Variants in VAMP7 observed in about 807,000 individuals in gnomAD.
The protein encoded by VAMP7 is vesicle associated membrane protein 7.
A neutral mutation model predicts 29.6 loss-of-function variants in VAMP7; 14 were observed. That is an observed-to-expected ratio of 0.47 (90% CI 0.31 to 0.74). The LOEUF is 0.74. VAMP7 is among the 30% of genes least tolerant of loss of function. VAMP7 has a pLI of 0.05. For missense variants in VAMP7, 223 were observed against 262.4 expected (o/e 0.85, Z 1.04); for synonymous variants, 95 against 88.1 (o/e 1.08, Z -0.44).
rs1602942177 is a variant in VAMP7 at position 155,902,503 on chromosome X, G to C, written c.433+1916G>C. Among the ~76,000 whole-genome samples, 4 of 149,110 alleles carry C rather than the reference G, an allele frequency of 2.7e-5. No individual in the cohort carries two copies. The South Asian group carries it at 8.6e-4, about 32-fold the overall frequency. On this transcript the variant is annotated intron_variant, in intron 5 of 7. Coordinates refer to ENST00000286448, the MANE Select transcript of VAMP7 (RefSeq NM_005638.6). ...CCATTCAGTATGATATTGGCTGTGG[G>C]TTTGTCATAGATAGCTCTTATTATT...
chrX:155,882,039 G>C (rs28655110), intron 1 of VAMP7, among the ~76,000 whole-genome samples: 14,892 of 152,074 alleles, frequency 0.098, 1,459 homozygotes, highest in African/African-American at 0.26. Flanking sequence ...TTACATCTCC[G>C]TCTCCCATAA....
chrX:155,903,750 A>G (rs906576254), intron 5 of VAMP7, among the ~76,000 whole-genome samples: 3 of 152,130 alleles, frequency 2.0e-5, no homozygotes, highest in African/African-American at 7.2e-5. Flanking sequence ...ACTTTTACAC[A>G]GTTGGTCGGA....
chrX:155,900,460 G>A (rs2066046016), intron 4 of VAMP7, 37 bp from the exon 5 acceptor site: 1 of 1,505,714 alleles, frequency 6.6e-7, no homozygotes, highest in Non-Finnish European at 9.1e-7. Flanking sequence ...TGTAAATAAT[G>A]TCTAGGTACC....
chrX:155,919,727 C>A, intron 5 of VAMP7, 86 bp from the exon 6 acceptor site: 1 of 1,189,414 alleles, frequency 8.4e-7, no homozygotes, highest in Non-Finnish European at 1.2e-6. Flanking sequence ...ACAGTGTATT[C>A]ATTAAGTTAT....
chrX:155,937,721 C>A (rs1247974689), intron 6 of VAMP7, among the ~76,000 whole-genome samples: 1 of 152,028 alleles, frequency 6.6e-6, no homozygotes, highest in Non-Finnish European at 1.5e-5. Flanking sequence ...GGGATATTTT[C>A]TTCAATTAGT....
chrX:155,905,965 CTG>C (rs2066140645), intron 5 of VAMP7, among the ~76,000 whole-genome samples: 1 of 66,850 alleles, frequency 1.5e-5, no homozygotes, highest in Admixed American at 2.0e-4. Flanking sequence ...TGTGTTGAAT[CTG>C]TAGATCAATT....
At chrX:155,918,857 A>G (rs1352602475) in intron 5 of VAMP7, among the ~76,000 whole-genome samples, 13 of 152,044 alleles carry the variant, frequency 8.6e-5, no homozygotes, top group African/African-American at 1.2e-4. Context: ...TTTATTCTCT[A>G]TTCTATTGAT....
At chrX:155,934,950 T>C (rs2066625242) in intron 6 of VAMP7, among the ~76,000 whole-genome samples, 1 of 152,160 alleles carries the variant, frequency 6.6e-6, no homozygotes, top group African/African-American at 2.4e-5. Context: ...TATTTTTCCT[T>C]CACCTATGAA....
rs186431188 is a variant in VAMP7 at position 155,889,592 on chromosome X, A to G, written c.126A>G (p.Lys42=). 1 of 1,613,916 alleles carries G rather than the reference A, an allele frequency of 6.2e-7. No individual in the cohort carries two copies. The highest frequency in any genetic ancestry group is 2.2e-5 in the East Asian group (1 of 44,878). ...ILAKIPSENN[K]LTYSHGNYLF... is the part of the protein sequence containing the mutation. ...CTAAGATACCTTCTGAAAATAACAA[A>G]CTAACGTACTCACATGGCAAGTGAG... The change falls in exon 2 of 8, where the codon AAA becomes AAG. Residue 42 remains lysine (K), a synonymous_variant. Transcript: ENST00000286448.
At chrX:155,930,210 C>A (rs1162907508) in intron 6 of VAMP7, among the ~76,000 whole-genome samples, 1 of 152,160 alleles carries the variant, frequency 6.6e-6, no homozygotes, top group East Asian at 1.9e-4. Context: ...ACTGACTGCC[C>A]TCTGGCTTGA....
chrX:155,901,492 T>C (rs1462189869), intron 5 of VAMP7, among the ~76,000 whole-genome samples: 2 of 152,132 alleles, frequency 1.3e-5, no homozygotes, highest in East Asian at 3.9e-4. Context: ...AAATGACTTA[T>C]TTATTTTTAG....
At chrX:155,933,741 G>C (rs1212351100) in intron 6 of VAMP7, among the ~76,000 whole-genome samples, 16 of 152,078 alleles carry the variant, frequency 1.1e-4, no homozygotes. Context: ...CCTTCTGCTA[G>C]CTTTTGAATG....
intron 5 of VAMP7, among the ~76,000 whole-genome samples, chrX:155,911,485 G>GA (rs2066236604): frequency 6.6e-6 from 1 of 152,032 alleles, no homozygotes; most frequent in Non-Finnish European, 1.5e-5. Context: ...CTGTTTCTGT[G>GA]AAAAATGACA....
At chrX:155,913,058 G>A (rs4893104) in intron 5 of VAMP7, among the ~76,000 whole-genome samples, 98,352 of 151,738 alleles carry the variant, frequency 0.65, 32,309 homozygotes, top group African/African-American at 0.77. Flanking sequence ...CCATTTAATG[G>A]TCGCCATTCT....
intron 6 of VAMP7, among the ~76,000 whole-genome samples, chrX:155,932,262 G>C (rs1204929965): frequency 1.3e-5 from 2 of 152,178 alleles, no homozygotes; most frequent in African/African-American, 2.4e-5. Flanking sequence ...TTGGTAGCTT[G>C]ATAGGGATGG....
Position 155,892,213 on chromosome X carries a change from G to T in VAMP7, c.146+2601G>T, listed in dbSNP as rs138274057. On this transcript the variant is annotated intron_variant, in intron 2 of 7. Coordinates refer to ENST00000286448, the MANE Select transcript of VAMP7 (RefSeq NM_005638.6). ...TCGAGCTTTGGTACCTTTTTTTCAT[G>T]CTTTTGTTATCTTCTAGGAATGCTG... Among the ~76,000 whole-genome samples, 941 of 152,072 alleles carry T rather than the reference G, an allele frequency of 6.2e-3. 4 individuals carry two copies. The highest frequency in any genetic ancestry group is 0.014 in the Middle Eastern group (4 of 294).
chrX:155,897,881 T>C (rs2066007284), intron 3 of VAMP7, among the ~76,000 whole-genome samples: 2 of 152,150 alleles, frequency 1.3e-5, no homozygotes, highest in Non-Finnish European at 2.9e-5. Context: ...AATGACCAGA[T>C]ATATCTGGAT....
At chrX:155,895,380 G>A (rs1602923076) in intron 2 of VAMP7, among the ~76,000 whole-genome samples, 1 of 152,118 alleles carries the variant, frequency 6.6e-6, no homozygotes, top group Non-Finnish European at 1.5e-5. Flanking sequence ...TCGTTCTAAT[G>A]GGTAATACAC....
chrX:155,936,564 T>A (rs188972870), intron 6 of VAMP7, among the ~76,000 whole-genome samples: 2 of 152,264 alleles, frequency 1.3e-5, no homozygotes, highest in Admixed American at 1.3e-4. Flanking sequence ...AGTATTAGGG[T>A]GGGAGTGATC....
Sources: gnomAD v4.1 joint callset for allele counts (sites outside exome capture counted in the v4.1 genomes callset) on GRCh38, gnomAD v4.1.1 for gene constraint, MANE v1.5 for transcripts, NCBI Gene and HGNC (gene_info 2026-07-23, HGNC 2026-07-21) for gene names.